GRIA2: variants seen among roughly 807,000 people sequenced by gnomAD.
GRIA2 encodes the protein glutamate receptor 2.
A neutral mutation model predicts 97.3 loss-of-function variants in GRIA2; 14 were observed. That is an observed-to-expected ratio of 0.14 (90% CI 0.10 to 0.23). GRIA2 has a LOEUF of 0.23. Among genes scored for constraint, GRIA2 ranks in the 10% least tolerant of loss-of-function variants. The probability of loss-of-function intolerance (pLI) is 1.00; values close to 1 mark genes in which losing one functional copy is unlikely to be tolerated. For synonymous variants in GRIA2, 412 were observed against 387.8 expected (o/e 1.06, Z -0.73); for missense variants, 558 against 1,069.8 (o/e 0.52, Z 6.67).
In GRIA2 at chr4:157,361,673, T is replaced by A; in HGVS notation, c.2406+549T>A. On this transcript the variant is annotated intron_variant, in intron 14 of 15. Coordinates refer to ENST00000264426, the MANE Select transcript of GRIA2 (RefSeq NM_001083619.3). This position sits in a 1 kb window ranked among gnomAD's most constrained non-coding sequence, Gnocchi z 5.2. ...GTAAGGTCAGTTGCTGCAGGTTTTA[T>A]GTGAAAAAACAAAATCAAACACAAA... The A allele has an allele frequency of 6.5e-7, 1 of 1,550,382 alleles. No individual in the cohort carries two copies.
chr4:157,248,109 C>A (rs1416965247), intron 2 of GRIA2, among the ~76,000 whole-genome samples: 3 of 150,480 alleles, frequency 2.0e-5, no homozygotes, highest in East Asian at 1.9e-4. Flanking sequence ...ATATATATAT[C>A]AAAATTTATA....
chr4:157,346,078 T>A (rs1735751654), intron 12 of GRIA2, among the ~76,000 whole-genome samples: 1 of 152,288 alleles, frequency 6.6e-6, no homozygotes. Flanking sequence ...CATTGTCTAC[T>A]ATATAATCAA....
intron 5 of GRIA2, 28 bp downstream of exon 5, chr4:157,317,739 T>G: frequency 1.1e-6 from 1 of 886,666 alleles, no homozygotes; most frequent in Middle Eastern, 2.2e-4. Context: ...TATATATTAT[T>G]TTACTAGATA....
chr4:157,291,092 T>C (rs900768243), intron 2 of GRIA2, among the ~76,000 whole-genome samples: 3 of 151,948 alleles, frequency 2.0e-5, no homozygotes, highest in African/African-American at 7.2e-5. Flanking sequence ...GTGAAGCACA[T>C]TATTAATATT....
rs1436388601 is a variant in GRIA2, at chr4:157,360,042, C to T, written c.2190C>T (p.Asn730=). The T allele has an allele frequency of 3.7e-6, 6 of 1,613,814 alleles. No homozygotes were observed. Among genetic ancestry groups the T allele is most frequent in the East Asian group, 2.2e-5 (1 of 44,846 alleles). Residue 730 remains asparagine (N), a synonymous_variant, in exon 13 of 16, where the codon AAC becomes AAT. Transcript: ENST00000264426. ...KYAYLLESTM[N]EYIEQRKPCD... ...CCTACTTGTTGGAGTCCACGATGAA[C>T]GAGTACATTGAGCAAAGGAAGCCTT...
At chr4:157,330,718 C>A (rs1735013972) in intron 6 of GRIA2, among the ~76,000 whole-genome samples, 1 of 151,914 alleles carries the variant, frequency 6.6e-6, no homozygotes, top group Non-Finnish European at 1.5e-5. Context: ...AAGTAAAAAG[C>A]ACATTTGGAA....
intron 6 of GRIA2, 81 bp from the exon 7 acceptor site, chr4:157,332,738 C>T: frequency 1.1e-6 from 1 of 944,946 alleles, no homozygotes; most frequent in Non-Finnish European, 1.7e-6. Context: ...GTGTGCTGAG[C>T]AACTGCAGTC....
At chr4:157,221,602 C>G in intron 1 of GRIA2, 65 bp from the exon 2 acceptor site, 1 of 1,524,996 alleles carries the variant, frequency 6.6e-7, no homozygotes, top group Non-Finnish European at 9.0e-7. Context: ...GGCGCTAGCG[C>G]GCGCCCCTCC....
intron 11 of GRIA2, among the ~76,000 whole-genome samples, chr4:157,340,841 T>C (rs948075618): frequency 1.3e-5 from 2 of 152,030 alleles, no homozygotes; most frequent in Non-Finnish European, 2.9e-5. Context: ...GTTACATCTG[T>C]GGAGTATGCT....
chr4:157,291,206 G>A (rs544885644), intron 2 of GRIA2, among the ~76,000 whole-genome samples: 46 of 151,936 alleles, frequency 3.0e-4, no homozygotes, highest in African/African-American at 1.0e-3. Context: ...GGAGCTTCAC[G>A]CTCTTTCCCG....
At chr4:157,248,240 TAA>T (rs1289281618) in intron 2 of GRIA2, among the ~76,000 whole-genome samples, 2 of 151,424 alleles carry the variant, frequency 1.3e-5, no homozygotes, top group East Asian at 3.9e-4. Flanking sequence ...TAAAAACAGA[TAA>T]AGTTTAACAG....
chr4:157,319,776 AT>A (rs1318264733), intron 5 of GRIA2, among the ~76,000 whole-genome samples: 1 of 152,146 alleles, frequency 6.6e-6, no homozygotes, highest in East Asian at 1.9e-4. Context: ...TTATTGATTA[AT>A]TTCCTTAGGA....
At chr4:157,260,404 T>C (rs937863422) in intron 2 of GRIA2, among the ~76,000 whole-genome samples, 1 of 152,116 alleles carries the variant, frequency 6.6e-6, no homozygotes, top group African/African-American at 2.4e-5. Flanking sequence ...TGATAGATAT[T>C]TTATGCTATT....
intron 2 of GRIA2, among the ~76,000 whole-genome samples, chr4:157,227,124 G>C (rs62331519): frequency 1.3e-5 from 2 of 152,194 alleles, no homozygotes; most frequent in African/African-American, 2.4e-5. Flanking sequence ...AAACTATAGA[G>C]GCTTAAATTA....
At chr4:157,346,038 ATAAT>A (rs909607383) in intron 12 of GRIA2, among the ~76,000 whole-genome samples, 37 of 152,302 alleles carry the variant, frequency 2.4e-4, no homozygotes, top group African/African-American at 8.2e-4. Context: ...TACCAGTGAA[ATAAT>A]TAGTTTGAAA....
intron 12 of GRIA2, among the ~76,000 whole-genome samples, chr4:157,342,802 T>C (rs1009998333): frequency 1.3e-5 from 2 of 152,084 alleles, no homozygotes; most frequent in African/African-American, 2.4e-5. Flanking sequence ...GTGCTACTTA[T>C]GTTGATTAAA....
upstream of GRIA2, chr4:157,220,727 T>A (rs1246869365): frequency 2.6e-6 from 1 of 378,154 alleles, no homozygotes; most frequent in South Asian, 3.5e-5. Context: ...CGAGAGAGGG[T>A]GAGTGTGTGT....
intron 10 of GRIA2, 149 bp from the exon 11 acceptor site, chr4:157,336,228 T>C (rs1376395337): frequency 1.5e-6 from 1 of 683,202 alleles, no homozygotes; most frequent in Non-Finnish European, 2.5e-6. Flanking sequence ...TAATTCCTTT[T>C]TGTTTATCCT....
chr4:157,360,935 A>C, intron 13 of GRIA2, 75 bp from the exon 14 acceptor site: 1 of 1,103,194 alleles, frequency 9.1e-7, no homozygotes, highest in Non-Finnish European at 1.3e-6. Flanking sequence ...CCAAAGAAAA[A>C]CAAATTAAAA....
Sources: gnomAD v4.1 joint callset for allele counts (sites outside exome capture counted in the v4.1 genomes callset) on GRCh38, gnomAD v4.1.1 for gene constraint, Gnocchi (gnomAD v3.1) non-coding constraint, MANE v1.5 for transcripts, NCBI Gene and HGNC (gene_info 2026-07-23, HGNC 2026-07-21) for gene names.